TSNARE1: variants seen among roughly 807,000 people sequenced by gnomAD.
The protein encoded by TSNARE1 is t-SNARE domain-containing protein 1.
TSNARE1 carries 49 observed loss-of-function variants against 62.0 expected under a neutral mutation model. The observed-to-expected ratio is 0.79, with a 90% CI of 0.63 to 1.00. The LOEUF (loss-of-function observed/expected upper bound fraction) is 1.00. TSNARE1 is among the 50% of genes least tolerant of loss of function. The probability of loss-of-function intolerance (pLI) is 0.00; values close to 1 mark genes in which losing one functional copy is unlikely to be tolerated. For synonymous variants in TSNARE1, 328 were observed against 294.4 expected (o/e 1.11, Z -1.17); for missense variants, 755 against 700.1 (o/e 1.08, Z -0.88).
chr8:142,262,304 C>G (rs1325487089), intron 12 of TSNARE1, among the ~76,000 whole-genome samples: 1 of 151,774 alleles, frequency 6.6e-6, no homozygotes, highest in Non-Finnish European at 1.5e-5. Context: ...TTTACAAAAC[C>G]CACTCTTCCT....
chr8:142,356,431 G>A (rs933388352), intron 1 of TSNARE1, among the ~76,000 whole-genome samples: 2 of 152,202 alleles, frequency 1.3e-5, no homozygotes, highest in African/African-American at 4.8e-5. Context: ...GCTGCCCCAG[G>A]GGAGAGTGGG....
At chr8:142,219,564 G>C (rs1015332024) in intron 13 of TSNARE1, among the ~76,000 whole-genome samples, 1 of 152,214 alleles carries the variant, frequency 6.6e-6, no homozygotes, top group African/African-American at 2.4e-5. Context: ...GGGCCACAGG[G>C]ATGAGGTCTC....
At chr8:142,300,461 G>C in intron 10 of TSNARE1, 25 bp downstream of exon 10, 1 of 1,586,024 alleles carries the variant, frequency 6.3e-7, no homozygotes, top group Non-Finnish European at 8.5e-7. Context: ...TGGAGAGTGA[G>C]CACGCTTGCC....
chr8:142,251,793 T>C (rs1470526968), intron 12 of TSNARE1, among the ~76,000 whole-genome samples: 1 of 70,212 alleles, frequency 1.4e-5, no homozygotes, highest in Admixed American at 1.5e-4. Flanking sequence ...TTCTCTGTCT[T>C]CAGGGCCCGG....
chr8:142,274,718 G>C (rs1820155038), intron 12 of TSNARE1, 63 bp downstream of exon 12: 1 of 1,428,646 alleles, frequency 7.0e-7, no homozygotes, highest in South Asian at 1.5e-5. Flanking sequence ...GACGGAGGGA[G>C]GGTTGGAGGA....
At chr8:142,387,673 A>C (rs1310935868) in intron 1 of TSNARE1, among the ~76,000 whole-genome samples, 2 of 152,184 alleles carry the variant, frequency 1.3e-5, no homozygotes, top group Non-Finnish European at 2.9e-5. Context: ...CATTTGGGAA[A>C]ATATTTACAA....
chr8:142,346,325 C>T (rs867060233), intron 2 of TSNARE1, among the ~76,000 whole-genome samples: 14 of 152,340 alleles, frequency 9.2e-5, no homozygotes, highest in Admixed American at 3.3e-4. Context: ...CACTCCGTAG[C>T]GTATGGGAGA....
At chr8:142,282,102 T>C (rs1302215188) in intron 11 of TSNARE1, among the ~76,000 whole-genome samples, 2 of 152,238 alleles carry the variant, frequency 1.3e-5, no homozygotes, top group Non-Finnish European at 2.9e-5. Flanking sequence ...GGGCCCACGG[T>C]GCTGGCTGGG....
At chr8:142,356,795 C>T (rs1834777082) in intron 1 of TSNARE1, among the ~76,000 whole-genome samples, 1 of 152,096 alleles carries the variant, frequency 6.6e-6, no homozygotes, top group Non-Finnish European at 1.5e-5. Context: ...AGGTAACTTG[C>T]CCAAGGTCCC....
chr8:142,245,159 C>T (rs565713524), intron 12 of TSNARE1, among the ~76,000 whole-genome samples: 86 of 152,288 alleles, frequency 5.6e-4, no homozygotes, highest in East Asian at 3.7e-3. Flanking sequence ...TGGCAAAAAT[C>T]GAGGAGTCTG....
At chr8:142,378,013 C>T (rs952719041) in intron 1 of TSNARE1, among the ~76,000 whole-genome samples, 4 of 152,226 alleles carry the variant, frequency 2.6e-5, no homozygotes, top group African/African-American at 9.6e-5. Context: ...GGGATCCGCG[C>T]GGTGAACTAT....
chr8:142,285,238 GGGTAGATGGATGGATGCGTA>G (rs1822493312), intron 10 of TSNARE1, among the ~76,000 whole-genome samples: 1 of 142,182 alleles, frequency 7.0e-6, no homozygotes, highest in African/African-American at 2.7e-5. Flanking sequence ...ATGGATGGAT[GGGTAGATGGATGGATGCGTA>G]GGTGGATGGA....
At chr8:142,254,428 C>A (rs928580092) in intron 12 of TSNARE1, among the ~76,000 whole-genome samples, 8 of 152,202 alleles carry the variant, frequency 5.3e-5, no homozygotes, top group African/African-American at 1.9e-4. Flanking sequence ...CCACCTGGAG[C>A]CTGCAGATGG....
At chr8:142,313,421 T>A (rs1321266670) in intron 9 of TSNARE1, among the ~76,000 whole-genome samples, 1 of 152,118 alleles carries the variant, frequency 6.6e-6, no homozygotes, top group Non-Finnish European at 1.5e-5. Context: ...TGTCTGTGTG[T>A]TTATCTGCAT....
intron 12 of TSNARE1, among the ~76,000 whole-genome samples, chr8:142,235,814 C>CAAA (rs1380621177): frequency 6.6e-6 from 1 of 152,200 alleles, no homozygotes; most frequent in Non-Finnish European, 1.5e-5. Flanking sequence ...CTGAGCGTTT[C>CAAA]CTCTGTGCCA....
intron 10 of TSNARE1, among the ~76,000 whole-genome samples, chr8:142,288,794 G>A (rs1823254402): frequency 6.6e-6 from 1 of 152,258 alleles, no homozygotes; most frequent in African/African-American, 2.4e-5. Context: ...GATGAGCTAA[G>A]ACACAAAATG....
chr8:142,249,024 T>C (rs10875482), intron 12 of TSNARE1, among the ~76,000 whole-genome samples: 74,620 of 152,064 alleles, frequency 0.49, 19,397 homozygotes, highest in African/African-American at 0.66. Flanking sequence ...TCTCAAAGCC[T>C]GAGTCTCCAT....
intron 12 of TSNARE1, among the ~76,000 whole-genome samples, chr8:142,233,373 C>T (rs1817220617): frequency 6.6e-6 from 1 of 152,180 alleles, no homozygotes; most frequent in Admixed American, 6.5e-5. Flanking sequence ...AGAGCCCCCA[C>T]TCTTCGTGCT....
At chr8:142,311,438 C>CA (rs1226775686) in intron 9 of TSNARE1, among the ~76,000 whole-genome samples, 4 of 151,552 alleles carry the variant, frequency 2.6e-5, no homozygotes, top group Non-Finnish European at 1.5e-5. Context: ...GGTGGAATTA[C>CA]AGGCATGTGC....
Sources: allele counts gnomAD v4.1 joint callset (sites outside exome capture counted in the v4.1 genomes callset), GRCh38; gene constraint gnomAD v4.1.1; transcripts MANE v1.5; gene names NCBI Gene and HGNC (gene_info 2026-07-23, HGNC 2026-07-21).